The following ANO1 variants were observed in gnomAD, a reference collection of about 807,000 sequenced individuals.
The protein encoded by ANO1 is anoctamin 1.
In ANO1, 59 loss-of-function variants were observed where a neutral mutation model predicts 124.0. That is an observed-to-expected ratio of 0.48 (90% CI 0.39 to 0.59). The LOEUF is 0.59. ANO1 is among the 20% of genes least tolerant of loss of function. The probability of loss-of-function intolerance (pLI) is 0.00; values close to 1 mark genes in which losing one functional copy is unlikely to be tolerated. For synonymous variants in ANO1, 529 were observed against 532.0 expected (o/e 0.99, Z 0.08); for missense variants, 1,059 against 1,328.0 (o/e 0.80, Z 3.15).
chr11:70,152,334 C>CA (rs56895585), intron 12 of ANO1, 116 bp from the exon 13 acceptor site: 31,903 of 429,394 alleles, frequency 0.074, 30 homozygotes, highest in South Asian at 0.08. Flanking sequence ...GACTCCATCT[C>CA]AAAAAAAAAA....
chr11:70,094,473 C>G (rs888429612), intron 2 of ANO1, among the ~76,000 whole-genome samples: 1 of 152,184 alleles, frequency 6.6e-6, no homozygotes, highest in Admixed American at 6.5e-5. Flanking sequence ...TGAGGAGTCT[C>G]GGGCCTAATC....
chr11:70,079,157 T>G (rs149906208), intron 1 of ANO1, among the ~76,000 whole-genome samples: 2,456 of 152,060 alleles, frequency 0.016, 55 homozygotes, highest in African/African-American at 0.055. Flanking sequence ...GAAGGCCAAG[T>G]TGGTCGCCAC....
intron 1 of ANO1, among the ~76,000 whole-genome samples, chr11:69,993,201 T>C (rs1856189688): frequency 6.6e-6 from 1 of 152,192 alleles, no homozygotes; most frequent in South Asian, 2.1e-4. Flanking sequence ...CTGGGTGTGG[T>C]GTGCAAACAC....
In ANO1 at chr11:69,995,690, A is replaced by T. The variant is rs1291047090; in HGVS notation, c.58+9524A>T. Among the ~76,000 whole-genome samples the T allele has an allele frequency of 2.0e-5, 3 of 152,112 alleles. No homozygotes were observed. In the East Asian group the frequency reaches 5.8e-4, roughly 29 times the overall value. On this transcript the variant is annotated intron_variant, in intron 1 of 27. Coordinates refer to the ANO1 transcript ENST00000531349. ...AGGGAGGAAGACCACCGAGGTAAAGAGCCATTCTCATGGCATCATATCAAG... is the reference window on the plus strand; with the variant it reads ...AGGGAGGAAGACCACCGAGGTAAAGTGCCATTCTCATGGCATCATATCAAG...
chr11:70,101,269 C>T (rs547667582), intron 2 of ANO1, among the ~76,000 whole-genome samples: 1 of 152,116 alleles, frequency 6.6e-6, no homozygotes, highest in East Asian at 1.9e-4. Flanking sequence ...TGACTTGACC[C>T]ACTTCAGATT....
intron 12 of ANO1, among the ~76,000 whole-genome samples, chr11:70,150,665 G>T (rs543584390): frequency 2.0e-5 from 3 of 152,158 alleles, no homozygotes; most frequent in Non-Finnish European, 4.4e-5. Flanking sequence ...CTCCCAAGTA[G>T]CTGGGGCTAC....
intron 2 of ANO1, among the ~76,000 whole-genome samples, chr11:70,100,219 G>C (rs967765967): frequency 2.6e-5 from 4 of 152,188 alleles, no homozygotes; most frequent in Non-Finnish European, 5.9e-5. Context: ...ACCGCAACCT[G>C]CAGCTTCAGG....
At chr11:70,010,120 G>A (rs1856563566) in intron 1 of ANO1, among the ~76,000 whole-genome samples, 1 of 142,930 alleles carries the variant, frequency 7.0e-6, no homozygotes, top group African/African-American at 2.6e-5. Flanking sequence ...TTTTATGGCG[G>A]AGTAGTATTC....
chr11:70,080,741 C>T (rs868602564), intron 1 of ANO1, among the ~76,000 whole-genome samples: 2 of 152,228 alleles, frequency 1.3e-5, no homozygotes, highest in African/African-American at 2.4e-5. Flanking sequence ...ACTTCCGTTA[C>T]ACATACTTTG....
chr11:69,989,430 C>A (rs897472388), intron 1 of ANO1, among the ~76,000 whole-genome samples: 1 of 151,696 alleles, frequency 6.6e-6, no homozygotes, highest in African/African-American at 2.4e-5. Context: ...AGTGCAGAAG[C>A]CCCAGCACGT....
the ANO1 span, among the ~76,000 whole-genome samples, chr11:69,969,161 ACGGGAGGGT>A: frequency 1.3e-5 from 2 of 152,224 alleles, no homozygotes; most frequent in African/African-American, 4.8e-5. Flanking sequence ...CTGCAGGGCC[ACGGGAGGGT>A]CCCTCATAGG....
intron 1 of ANO1, among the ~76,000 whole-genome samples, chr11:70,001,194 A>G (rs1476496063): frequency 6.6e-6 from 1 of 152,244 alleles, no homozygotes; most frequent in Non-Finnish European, 1.5e-5. Context: ...ATACAGCTGT[A>G]GTCTGAGAAA....
chr11:69,967,592 A>G, the ANO1 span, among the ~76,000 whole-genome samples: 2 of 152,238 alleles, frequency 1.3e-5, no homozygotes, highest in African/African-American at 4.8e-5. Context: ...ACTCTGGAGT[A>G]GGGAAAGTGC....
intron 1 of ANO1, among the ~76,000 whole-genome samples, chr11:70,043,679 T>G (rs1170082949): frequency 6.6e-6 from 1 of 152,100 alleles, no homozygotes; most frequent in Non-Finnish European, 1.5e-5. Context: ...CTTTAAAGCA[T>G]GAAAGAAACA....
intron 1 of ANO1, chr11:70,018,127 G>A (rs1390534694): frequency 6.6e-6 from 1 of 152,128 alleles, no homozygotes; most frequent in Non-Finnish European, 1.5e-5. Flanking sequence ...GGCTGAGGTA[G>A]GAGGGTCTCT....
At chr11:70,089,196 C>G (rs2135241120) in intron 2 of ANO1, among the ~76,000 whole-genome samples, 1 of 152,314 alleles carries the variant, frequency 6.6e-6, no homozygotes, top group Non-Finnish European at 1.5e-5. Context: ...TCGACAAAGT[C>G]TCTAAAACAC....
At chr11:69,970,891 C>T in the ANO1 span, among the ~76,000 whole-genome samples, 1 of 152,156 alleles carries the variant, frequency 6.6e-6, no homozygotes. Flanking sequence ...GGGCTCAAGT[C>T]ATCACATATG....
intron 1 of ANO1, chr11:70,085,803 G>T: frequency 1.7e-6 from 2 of 1,159,946 alleles, no homozygotes; most frequent in Non-Finnish European, 2.3e-6. Flanking sequence ...TTTGGGGAGG[G>T]GCTCCACCCT....
chr11:69,982,199 G>A (rs1008864341), upstream of ANO1, among the ~76,000 whole-genome samples: 1 of 152,210 alleles, frequency 6.6e-6, no homozygotes, highest in Admixed American at 6.5e-5. Flanking sequence ...CCAGTGAATT[G>A]TTTAATTACA....
Sources: gnomAD v4.1 joint callset for allele counts (sites outside exome capture counted in the v4.1 genomes callset) on GRCh38, gnomAD v4.1.1 for gene constraint, MANE v1.5 for transcripts, NCBI Gene and HGNC (gene_info 2026-07-23, HGNC 2026-07-21) for gene names.